Variants in C2CD5 observed in about 807,000 individuals in gnomAD.
C2CD5 encodes the protein C2 calcium dependent domain containing 5.
A neutral mutation model predicts 130.3 loss-of-function variants in C2CD5; 109 were observed. That is an observed-to-expected ratio of 0.84 (90% CI 0.72 to 0.98). The LOEUF is 0.98. Ranked by LOEUF, C2CD5 falls within the 50% of genes least tolerant of loss-of-function variation. The pLI, the probability that C2CD5 is intolerant of heterozygous loss-of-function variation, is 0.00. For synonymous variants in C2CD5, 454 were observed against 429.2 expected (o/e 1.06, Z -0.71); for missense variants, 996 against 1,261.8 (o/e 0.79, Z 3.19).
rs754108655 is a variant in C2CD5 at position 22,478,444 on chromosome 12, T to C, written c.1771A>G (p.Thr591Ala). 6 of 1,613,304 alleles carry C rather than the reference T, an allele frequency of 3.7e-6. No individual in the cohort carries two copies. In the Admixed American group the frequency reaches 8.3e-5, roughly 22 times the overall value. Reference protein sequence around the residue: ...ATGVYLAALPTPGGIQIAGKT... With the variant: ...ATGVYLAALPAPGGIQIAGKT... Reference sequence around the variant, plus strand: ...CCAGCAATCTGAATACCACCAGGAGTTGGTAAAGCTGCTAAATACACACCT... The same window carrying C: ...CCAGCAATCTGAATACCACCAGGAGCTGGTAAAGCTGCTAAATACACACCT... Residue 591 changes from threonine to alanine, a missense_variant, in exon 15 of 27, where the codon ACT becomes GCT. Around this residue, in one of 9 missense-constraint regions of C2CD5, gnomAD observed 590 missense variants for 631.4 expected, o/e 0.93. Coordinates refer to ENST00000446597, the MANE Select transcript of C2CD5 (RefSeq NM_001286176.2).
At chr12:22,478,155 A>C in intron 15 of C2CD5, 158 bp downstream of exon 15, 1 of 632,308 alleles carries the variant, frequency 1.6e-6, no homozygotes, top group Non-Finnish European at 2.8e-6. Context: ...TTACCCGAAA[A>C]GGAGACAGTT....
chr12:22,486,203 A>C (rs1945484226), intron 12 of C2CD5, among the ~76,000 whole-genome samples: 2 of 151,712 alleles, frequency 1.3e-5, no homozygotes, highest in African/African-American at 2.4e-5. Flanking sequence ...AAAAAAAAAA[A>C]ACACTGCAAA....
intron 12 of C2CD5, among the ~76,000 whole-genome samples, chr12:22,487,601 G>C (rs1355302414): frequency 6.6e-6 from 1 of 152,098 alleles, no homozygotes; most frequent in East Asian, 1.9e-4. Flanking sequence ...TACACTGTTG[G>C]TGGGAATGTA....
At chr12:22,497,353 CCT>C (rs1257736900) in intron 10 of C2CD5, among the ~76,000 whole-genome samples, 2 of 151,872 alleles carry the variant, frequency 1.3e-5, no homozygotes, top group African/African-American at 4.8e-5. Flanking sequence ...CTCCAAATAC[CCT>C]GATTTGATCA....
intron 10 of C2CD5, among the ~76,000 whole-genome samples, chr12:22,498,038 CTTAT>C (rs888748137): frequency 1.3e-5 from 2 of 151,972 alleles, no homozygotes; most frequent in African/African-American, 4.8e-5. Flanking sequence ...ATCTTGAACT[CTTAT>C]TTATCTACTT....
Position 22,513,287 on chromosome 12 carries a change from A to C in C2CD5, c.1038+7T>G, listed in dbSNP as rs1488498607. 7 of 1,581,154 alleles carry C rather than the reference A, an allele frequency of 4.4e-6. No individual in the cohort carries two copies. The highest frequency in any genetic ancestry group is 6.1e-6 in the Non-Finnish European group (7 of 1,150,226). On this transcript the variant is annotated splice_region_variant and intron_variant, in intron 9 of 26. Coordinates refer to ENST00000446597, the MANE Select transcript of C2CD5 (RefSeq NM_001286176.2). The stretch of plus-strand genomic sequence containing the variant: ...TGTAAGAACAAAGAATATCAAGTGA[A>C]TCTTACCCTCTGTTCCAACGCTGAT...
chr12:22,487,880 G>T (rs1371647662), intron 12 of C2CD5, among the ~76,000 whole-genome samples: 4 of 152,026 alleles, frequency 2.6e-5, no homozygotes, highest in East Asian at 3.9e-4. Flanking sequence ...CCATAAAAAA[G>T]GATGAGTTCA....
intron 3 of C2CD5, among the ~76,000 whole-genome samples, chr12:22,528,295 G>GACACC (rs1950910970): frequency 6.6e-6 from 1 of 152,060 alleles, no homozygotes; most frequent in African/African-American, 2.4e-5. Context: ...AATTTCTAAG[G>GACACC]GCGATTTCAG....
At chr12:22,529,092 G>A (rs1950982604) in intron 3 of C2CD5, among the ~76,000 whole-genome samples, 1 of 152,094 alleles carries the variant, frequency 6.6e-6, no homozygotes, top group African/African-American at 2.4e-5. Context: ...GGGGTGGGCA[G>A]GAGTTAAAAA....
intron 16 of C2CD5, 117 bp from the exon 17 acceptor site, chr12:22,472,924 T>A (rs1250727253): frequency 4.6e-6 from 3 of 649,174 alleles, no homozygotes; most frequent in East Asian, 2.8e-5. Flanking sequence ...AGTAAAAATA[T>A]GTAACAAGAA....
At chr12:22,469,574 A>C (rs1381291695) in intron 22 of C2CD5, 135 bp downstream of exon 22, 1 of 499,460 alleles carries the variant, frequency 2.0e-6, no homozygotes, top group African/African-American at 2.0e-5. Flanking sequence ...CCCTTTATGA[A>C]TATGAAGAAA....
At chr12:22,533,330 G>C (rs927069333) in intron 3 of C2CD5, among the ~76,000 whole-genome samples, 1 of 152,194 alleles carries the variant, frequency 6.6e-6, no homozygotes, top group African/African-American at 2.4e-5. Flanking sequence ...GGCATTGTGA[G>C]AATTGAATGA....
intron 11 of C2CD5, among the ~76,000 whole-genome samples, chr12:22,492,050 A>G (rs1946424416): frequency 6.6e-6 from 1 of 152,162 alleles, no homozygotes; most frequent in Admixed American, 6.5e-5. Flanking sequence ...TAGGAGTATA[A>G]CACATGATCT....
chr12:22,456,079 T>C (rs758105929), intron 25 of C2CD5, among the ~76,000 whole-genome samples: 32 of 152,348 alleles, frequency 2.1e-4, no homozygotes, highest in Admixed American at 1.2e-3. Flanking sequence ...GTTTATTCCA[T>C]GCCAGCTACT....
At chr12:22,514,197 A>G (rs1335771193) in intron 8 of C2CD5, among the ~76,000 whole-genome samples, 3 of 152,150 alleles carry the variant, frequency 2.0e-5, no homozygotes, top group Non-Finnish European at 4.4e-5. Flanking sequence ...TCTACAGACT[A>G]GAGTTAATCC....
chr12:22,482,499 A>G (rs1944877929), intron 14 of C2CD5, 58 bp downstream of exon 14: 2 of 1,402,242 alleles, frequency 1.4e-6, no homozygotes, highest in South Asian at 1.2e-5. Flanking sequence ...ATCACATAAC[A>G]TAGAATCTAC....
chr12:22,481,699 G>A (rs1470027264), intron 14 of C2CD5, among the ~76,000 whole-genome samples: 6 of 133,704 alleles, frequency 4.5e-5, no homozygotes, highest in Non-Finnish European at 7.6e-5. Flanking sequence ...CTGTCGCCTC[G>A]GTTGGAGTGC....
chr12:22,524,734 C>T (rs538239761), intron 5 of C2CD5, 107 bp from the exon 6 acceptor site: 5 of 667,722 alleles, frequency 7.5e-6, no homozygotes, highest in African/African-American at 7.3e-5. Context: ...ACAAGAACAT[C>T]TTTTACTGTA....
chr12:22,512,268 G>A lies in C2CD5; in HGVS notation c.1038+1026C>T, dbSNP rs557585138. Among the ~76,000 whole-genome samples the A allele has an allele frequency of 4.6e-5, 7 of 152,284 alleles. 2 individuals are homozygous for A. The highest frequency in any genetic ancestry group is 1.7e-4 in the African/African-American group (7 of 41,558). ...ATAAATCGTACCAACCTCTAGAGGA[G>A]AAATACTTTAGTTTTATGAAATGTA... On this transcript the variant is annotated intron_variant, in intron 9 of 26. Transcript: ENST00000446597.
Sources: gnomAD v4.1 joint callset for allele counts (sites outside exome capture counted in the v4.1 genomes callset) on GRCh38, gnomAD v4.1.1 for gene constraint, gnomAD v4.1.1 regional missense constraint, MANE v1.5 for transcripts, NCBI Gene and HGNC (gene_info 2026-07-23, HGNC 2026-07-21) for gene names.